The following DNM3 variants were observed in gnomAD, a reference collection of about 807,000 sequenced individuals.
DNM3 encodes dynamin-3.
DNM3 carries 47 observed loss-of-function variants against 101.6 expected under a neutral mutation model. The observed-to-expected ratio is 0.46, with a 90% CI of 0.37 to 0.59. The LOEUF (loss-of-function observed/expected upper bound fraction) is 0.59, where lower values mean the gene tolerates loss of function less well. DNM3 is among the 20% of genes least tolerant of loss of function. The pLI is 0.00. For missense variants in DNM3, 849 were observed against 1,085.7 expected, an observed-to-expected ratio of 0.78 and a Z score of 3.06; for synonymous variants, 385 against 387.9, an observed-to-expected ratio of 0.99 and a Z score of 0.09.
At chr1:171,979,509 T>C (rs1347581776) in intron 2 of DNM3, among the ~76,000 whole-genome samples, 1 of 152,242 alleles carries the variant, frequency 6.6e-6, no homozygotes, top group East Asian at 1.9e-4. Context: ...GTTATACTCT[T>C]TGAGCTCCTT....
intron 15 of DNM3, among the ~76,000 whole-genome samples, chr1:172,295,377 C>A (rs1026445547): frequency 5.3e-5 from 8 of 151,094 alleles, no homozygotes; most frequent in African/African-American, 1.7e-4. Flanking sequence ...TATAACAAAA[C>A]TGAATACAAT....
At chr1:172,060,353 G>A (rs1281587427) in intron 10 of DNM3, among the ~76,000 whole-genome samples, 3 of 89,934 alleles carry the variant, frequency 3.3e-5, no homozygotes, top group African/African-American at 1.4e-4. Flanking sequence ...CTACTTTAAA[G>A]TTCATATGGA....
intron 13 of DNM3, among the ~76,000 whole-genome samples, chr1:172,115,962 T>TA (rs890476351): frequency 7.7e-4 from 114 of 147,784 alleles, no homozygotes; most frequent in African/African-American, 1.9e-3. Flanking sequence ...GTGCCTAGAA[T>TA]AAAAAAAAAA....
chr1:171,972,507 A>T (rs966029003), intron 2 of DNM3, among the ~76,000 whole-genome samples: 1 of 152,202 alleles, frequency 6.6e-6, no homozygotes, highest in African/African-American at 2.4e-5. Context: ...TGATAAAACC[A>T]GTTATTGAGT....
At chr1:171,849,647 T>C (rs773406779) in intron 1 of DNM3, among the ~76,000 whole-genome samples, 2 of 152,202 alleles carry the variant, frequency 1.3e-5, no homozygotes, top group Non-Finnish European at 2.9e-5. Context: ...AAATGCATTA[T>C]CACAATGTGT....
At chr1:171,877,446 C>G (rs550426303) in intron 1 of DNM3, among the ~76,000 whole-genome samples, 12 of 152,188 alleles carry the variant, frequency 7.9e-5, no homozygotes, top group African/African-American at 2.9e-4. Context: ...ATTTTAGTCT[C>G]TTCTCCACAA....
intron 4 of DNM3, among the ~76,000 whole-genome samples, chr1:172,006,163 T>A (rs1167416387): frequency 6.6e-6 from 1 of 152,088 alleles, no homozygotes; most frequent in Admixed American, 6.6e-5. Context: ...CAGTGGTGGG[T>A]GCCTACAGGG....
intron 4 of DNM3, among the ~76,000 whole-genome samples, chr1:172,010,630 T>G (rs1331654366): frequency 7.0e-6 from 1 of 142,870 alleles, no homozygotes; most frequent in Non-Finnish European, 1.5e-5. Flanking sequence ...TTTTTTTTTT[T>G]TTTTTTGGTC....
At chr1:172,067,968 A>ATT (rs1357055206) in intron 10 of DNM3, among the ~76,000 whole-genome samples, 1 of 152,190 alleles carries the variant, frequency 6.6e-6, no homozygotes, top group Non-Finnish European at 1.5e-5. Flanking sequence ...TGAACCAACC[A>ATT]TTTTTGAGCT....
intron 10 of DNM3, among the ~76,000 whole-genome samples, chr1:172,053,405 G>A (rs1437993132): frequency 6.6e-6 from 1 of 151,692 alleles, no homozygotes; most frequent in Non-Finnish European, 1.5e-5. Flanking sequence ...TCACTTCCTG[G>A]TCTCTCTCCC....
At chr1:172,017,484 A>G (rs1429780227) in intron 4 of DNM3, among the ~76,000 whole-genome samples, 1 of 152,296 alleles carries the variant, frequency 6.6e-6, no homozygotes, top group East Asian at 1.9e-4. Flanking sequence ...GTTAATCTCC[A>G]AACATTTTGA....
At chr1:171,947,739 G>A (rs557351900) in intron 2 of DNM3, among the ~76,000 whole-genome samples, 2 of 152,168 alleles carry the variant, frequency 1.3e-5, no homozygotes, top group African/African-American at 4.8e-5. Flanking sequence ...TCTCCCAGGC[G>A]CCTGGACTTT....
intron 11 of DNM3, among the ~76,000 whole-genome samples, chr1:172,080,060 T>C (rs1181359595): frequency 6.6e-6 from 1 of 152,034 alleles, no homozygotes; most frequent in Admixed American, 6.6e-5. Flanking sequence ...TGTCTGTTGA[T>C]CCCTGCTGGA....
chr1:172,245,342 A>G (rs1306871566), intron 14 of DNM3, among the ~76,000 whole-genome samples: 2 of 152,222 alleles, frequency 1.3e-5, no homozygotes, highest in African/African-American at 4.8e-5. Context: ...GGTGAAACAT[A>G]TAGACTCTTA....
At chr1:172,208,721 C>CCAAGGAACAAGATGCTGCCTTCCT (rs2060409181) in intron 14 of DNM3, among the ~76,000 whole-genome samples, 1 of 151,990 alleles carries the variant, frequency 6.6e-6, no homozygotes. Flanking sequence ...TTACGTTAGC[C>CCAAGGAACAAGATGCTGCCTTCCT]CAAGGAACAA....
chr1:172,149,590 G>A (rs577185551), intron 14 of DNM3, among the ~76,000 whole-genome samples: 80 of 152,212 alleles, frequency 5.3e-4, no homozygotes, highest in African/African-American at 1.9e-3. Flanking sequence ...AATGCTATGT[G>A]CTATGAGCTC....
At chr1:172,311,585 T>C (rs906464811) in intron 16 of DNM3, among the ~76,000 whole-genome samples, 1 of 152,134 alleles carries the variant, frequency 6.6e-6, no homozygotes, top group African/African-American at 2.4e-5. Context: ...GAAAGAGTGA[T>C]ACCCTGTCTC....
chr1:171,895,355 T>C (rs2037689333), intron 1 of DNM3, among the ~76,000 whole-genome samples: 1 of 152,248 alleles, frequency 6.6e-6, no homozygotes, highest in Non-Finnish European at 1.5e-5. Context: ...GGTATCTCAT[T>C]GTGGTTTTGA....
At chr1:172,193,557 A>C (rs2059822490) in intron 14 of DNM3, among the ~76,000 whole-genome samples, 1 of 152,078 alleles carries the variant, frequency 6.6e-6, no homozygotes, top group African/African-American at 2.4e-5. Flanking sequence ...TGGTCTATTC[A>C]GGGATTCAGC....
Sources: allele counts gnomAD v4.1 joint callset (sites outside exome capture counted in the v4.1 genomes callset), GRCh38; gene constraint gnomAD v4.1.1; transcripts MANE v1.5; gene names NCBI Gene and HGNC (gene_info 2026-07-23, HGNC 2026-07-21).